Variants in HNRNPUL1 observed in about 807,000 individuals in gnomAD.
HNRNPUL1 encodes the protein heterogeneous nuclear ribonucleoprotein U like 1.
Under a neutral mutation model 108.5 loss-of-function variants are expected in HNRNPUL1, and 14 were observed. The ratio of observed to expected loss-of-function variants is 0.13; its 90% CI spans 0.09 to 0.20. The LOEUF (loss-of-function observed/expected upper bound fraction) is 0.20, where lower values mean the gene tolerates loss of function less well. Ranked by LOEUF, HNRNPUL1 falls within the 10% of genes least tolerant of loss-of-function variation. The pLI is 1.00. For synonymous variants in HNRNPUL1, 422 were observed against 445.2 expected, an observed-to-expected ratio of 0.95 and a Z score of 0.66; for missense variants, 804 against 1,168.3, an observed-to-expected ratio of 0.69 and a Z score of 4.55.
intron 3 of HNRNPUL1, 113 bp from the exon 4 acceptor site, chr19:41,273,866 ATGG>A: frequency 1.3e-6 from 1 of 770,764 alleles, no homozygotes; most frequent in East Asian, 2.6e-5. Flanking sequence ...GTGGAAGGAA[ATGG>A]AGATTCAGGA....
chr19:41,270,944 C>G (rs996819709), intron 2 of HNRNPUL1, among the ~76,000 whole-genome samples: 2 of 152,112 alleles, frequency 1.3e-5, no homozygotes, highest in South Asian at 2.1e-4. Context: ...GATGGCAGAG[C>G]TGGGGCTACA....
intron 6 of HNRNPUL1, among the ~76,000 whole-genome samples, chr19:41,280,656 G>A (rs566449987): frequency 1.2e-4 from 19 of 152,192 alleles, no homozygotes; most frequent in Non-Finnish European, 5.9e-5. Flanking sequence ...TCTAACTCAG[G>A]TGTCAGCCAG....
At chr19:41,265,855 A>AG (rs1453009859) in intron 1 of HNRNPUL1, among the ~76,000 whole-genome samples, 1 of 149,640 alleles carries the variant, frequency 6.7e-6, no homozygotes, top group Non-Finnish European at 1.5e-5. Context: ...GAATATGGGG[A>AG]GGGGGGAGGC....
At chr19:41,274,166 C>T (rs2035410386) in intron 4 of HNRNPUL1, 111 bp downstream of exon 4, 1 of 877,028 alleles carries the variant, frequency 1.1e-6, no homozygotes. Flanking sequence ...CATTGTTAGT[C>T]CACATGTGAG....
chr19:41,282,473 C>T (rs1428889557), intron 7 of HNRNPUL1, among the ~76,000 whole-genome samples: 1 of 152,220 alleles, frequency 6.6e-6, no homozygotes, highest in African/African-American at 2.4e-5. Flanking sequence ...TGAACCACCA[C>T]GCCTGGCCCC....
chr19:41,276,335 G>T, intron 5 of HNRNPUL1, 37 bp downstream of exon 5: 2 of 1,567,972 alleles, frequency 1.3e-6, no homozygotes, highest in South Asian at 2.3e-5. Context: ...GGACAGAGAA[G>T]TCCATCCATT....
At chr19:41,290,180 AG>A (rs2036502224) in intron 7 of HNRNPUL1, among the ~76,000 whole-genome samples, 1 of 152,198 alleles carries the variant, frequency 6.6e-6, no homozygotes, top group South Asian at 2.1e-4. Context: ...ACCTGAATAG[AG>A]AAAGAAATTA....
At chr19:41,300,114 T>C (rs1177163445) in intron 10 of HNRNPUL1, among the ~76,000 whole-genome samples, 1 of 152,134 alleles carries the variant, frequency 6.6e-6, no homozygotes, top group Non-Finnish European at 1.5e-5. Flanking sequence ...AGGCCACCTG[T>C]GTCCCCCTAC....
Position 41,292,013 on chromosome 19 carries a change from C to A in HNRNPUL1, c.1000-232C>A. 2.1e-6 allele frequency: 1 copy of A among 469,858 alleles called. No individual in the cohort carries two copies. 29.1% of individuals were successfully genotyped at this position (469,858 alleles called of 1,614,324 possible). ...AAAAAACAAAAAAAAAAAACTCTTGCTTACTTGCTTCATATCCACCAACTT... is the reference window on the plus strand; with the variant it reads ...AAAAAACAAAAAAAAAAAACTCTTGATTACTTGCTTCATATCCACCAACTT... On this transcript the variant is annotated intron_variant, in intron 7 of 14. Coordinates refer to ENST00000392006, the MANE Select transcript of HNRNPUL1 (RefSeq NM_007040.6). This position sits in a 1 kb window ranked among gnomAD's most constrained non-coding sequence, Gnocchi z 4.1.
At position 41,268,242 on chromosome 19, in the gene HNRNPUL1, C is replaced by G. The variant is rs200227212; in HGVS notation, c.315C>G (p.Thr105=). The G allele has an allele frequency of 6.2e-7, 1 of 1,613,540 alleles. No individual in the cohort carries two copies. Among genetic ancestry groups the G allele is most frequent in the Non-Finnish European group, 8.5e-7 (1 of 1,179,768 alleles). Residue 105 remains threonine, a synonymous_variant, in exon 2 of 15, where the codon ACC becomes ACG. Transcript: ENST00000392006. ...TTTAAGATGCCATGGACAATATTAC[C>G]AGGCAGAACCAATTCTACGATACCC... ...PDGHYAMDNI[T]RQNQFYDTQV... is the part of the protein sequence containing the mutation.
intron 7 of HNRNPUL1, among the ~76,000 whole-genome samples, chr19:41,291,120 G>T: frequency 6.6e-6 from 1 of 152,176 alleles, no homozygotes; most frequent in East Asian, 1.9e-4. Context: ...AAATGAATGT[G>T]GTCCCTGCAT....
intron 6 of HNRNPUL1, among the ~76,000 whole-genome samples, chr19:41,280,155 TA>T (rs1247498044): frequency 2.0e-5 from 3 of 152,174 alleles, no homozygotes; most frequent in Non-Finnish European, 2.9e-5. Context: ...AGTGTTTGTT[TA>T]AAAAATATGT....
intron 7 of HNRNPUL1, among the ~76,000 whole-genome samples, chr19:41,283,966 A>G (rs1046338273): frequency 6.6e-6 from 1 of 152,254 alleles, no homozygotes; most frequent in Admixed American, 6.5e-5. Flanking sequence ...GGTGAGCTCA[A>G]TTGTTGCAAG....
At position 41,267,064 on chromosome 19, in the gene HNRNPUL1, T is replaced by C. The variant is rs558535756; in HGVS notation, c.296-1159T>C. On this transcript the variant is annotated intron_variant, in intron 1 of 14. Transcript: ENST00000392006. ...GCGTAGACTCTAGACTAAGACAGAC[T>C]TCGTTTCAAATCTGGCTTAAAGATA... 5.3e-5 allele frequency among the ~76,000 whole-genome samples: 8 copies of C among 152,310 alleles called. No homozygotes were observed. The South Asian group carries it at 1.4e-3, about 28-fold the overall frequency.
At chr19:41,301,412 G>GT (rs1395153067) in intron 10 of HNRNPUL1, 124 bp from the exon 11 acceptor site, 1 of 742,154 alleles carries the variant, frequency 1.3e-6, no homozygotes. Flanking sequence ...TGTTTCCTGA[G>GT]TTTCTCTGCT....
At chr19:41,296,626 AAG>A (rs2122878291) in intron 10 of HNRNPUL1, among the ~76,000 whole-genome samples, 2 of 151,748 alleles carry the variant, frequency 1.3e-5, no homozygotes, top group African/African-American at 4.8e-5. Flanking sequence ...GGGTATGAGA[AAG>A]AGGGAGGGGG....
intron 1 of HNRNPUL1, among the ~76,000 whole-genome samples, chr19:41,267,682 G>A (rs1248274869): frequency 6.6e-6 from 1 of 152,256 alleles, no homozygotes; most frequent in East Asian, 1.9e-4. Context: ...TCCTGGCATA[G>A]CCACTGGTAG....
At chr19:41,270,546 T>A (rs1382495862) in intron 2 of HNRNPUL1, among the ~76,000 whole-genome samples, 1 of 151,876 alleles carries the variant, frequency 6.6e-6, no homozygotes, top group African/African-American at 2.4e-5. Context: ...ATGTTAAGTA[T>A]ATGTCTTTAC....
Position 41,304,414 on chromosome 19 carries a change from G to A in HNRNPUL1, c.2262+153G>A, listed in dbSNP as rs759075304. The stretch of plus-strand genomic sequence containing the variant: ...AGCCTGCCCTTCTTTCTCCCTGGCC[G>A]TGATCTTGACTCAGATGGACCCTAC... On this transcript the variant is annotated intron_variant, in intron 13 of 14. Coordinates refer to ENST00000392006, the MANE Select transcript of HNRNPUL1 (RefSeq NM_007040.6). Among the ~76,000 whole-genome samples the A allele has an allele frequency of 1.3e-4, 20 of 152,232 alleles. 1 individual carries two copies. Among genetic ancestry groups the A allele is most frequent in the African/African-American group, 2.6e-4 (11 of 41,532 alleles).
Sources: gnomAD v4.1 joint callset for allele counts (sites outside exome capture counted in the v4.1 genomes callset) on GRCh38, gnomAD v4.1.1 for gene constraint, Gnocchi (gnomAD v3.1) non-coding constraint, MANE v1.5 for transcripts, NCBI Gene and HGNC (gene_info 2026-07-23, HGNC 2026-07-21) for gene names.